The following TENT2 variants were observed in gnomAD, a reference collection of about 807,000 sequenced individuals.
TENT2 encodes the protein poly(A) RNA polymerase GLD2.
TENT2 carries 44 observed loss-of-function variants against 72.2 expected under a neutral mutation model. That is an observed-to-expected ratio of 0.61 (90% CI 0.48 to 0.78). TENT2 has a LOEUF of 0.78. TENT2 is among the 30% of genes least tolerant of loss of function. TENT2 has a pLI of 0.00. For synonymous variants in TENT2, 212 were observed against 192.5 expected (o/e 1.10, Z -0.84); for missense variants, 541 against 569.6 (o/e 0.95, Z 0.51).
At chr5:79,652,502 T>A (rs1794941488) in intron 10 of TENT2, among the ~76,000 whole-genome samples, 1 of 152,136 alleles carries the variant, frequency 6.6e-6, no homozygotes, top group Non-Finnish European at 1.5e-5. Context: ...GCAGATGTTT[T>A]ATAATATATG....
intron 12 of TENT2, among the ~76,000 whole-genome samples, chr5:79,672,141 A>T (rs748240473): frequency 1.2e-4 from 18 of 151,336 alleles, no homozygotes; most frequent in African/African-American, 4.1e-4. Context: ...TACCTACTTC[A>T]CTCACACCTT....
intron 11 of TENT2, among the ~76,000 whole-genome samples, chr5:79,668,045 T>C (rs1267947908): frequency 6.6e-6 from 1 of 152,038 alleles, no homozygotes; most frequent in Non-Finnish European, 1.5e-5. Context: ...TATTTTCTAA[T>C]TGATGTATAT....
intron 11 of TENT2, among the ~76,000 whole-genome samples, chr5:79,660,063 G>C (rs978043398): frequency 1.3e-5 from 2 of 151,960 alleles, no homozygotes; most frequent in Non-Finnish European, 1.5e-5. Context: ...AACAGTTTTG[G>C]AATGGAATAA....
intron 11 of TENT2, among the ~76,000 whole-genome samples, chr5:79,662,898 G>A (rs1330116612): frequency 3.9e-5 from 6 of 152,138 alleles, no homozygotes; most frequent in Non-Finnish European, 7.3e-5. Flanking sequence ...GTTCTAGATA[G>A]CATCTTCGAA....
intron 4 of TENT2, among the ~76,000 whole-genome samples, chr5:79,637,523 C>T (rs1781067130): frequency 6.6e-6 from 1 of 151,986 alleles, no homozygotes; most frequent in Admixed American, 6.6e-5. Flanking sequence ...ACCTCCCAGG[C>T]TCAAGCGATC....
chr5:79,615,771 A>G (rs1759285634), intron 1 of TENT2, among the ~76,000 whole-genome samples: 1 of 149,362 alleles, frequency 6.7e-6, no homozygotes, highest in Non-Finnish European at 1.5e-5. Context: ...GTGCAGTGGC[A>G]CAGTCTCCTC....
rs372101489 is a variant in TENT2, at chr5:79,649,386, G to GTTT, written c.1027+205_1027+207dup. 2.9e-4 allele frequency among the ~76,000 whole-genome samples: 41 copies of GTTT among 140,080 alleles called. 1 individual carries two copies. The highest frequency in any genetic ancestry group is 3.7e-3 in the Middle Eastern group (1 of 272). 91.9% of individuals were successfully genotyped at this position (140,080 alleles called of 152,430 possible). On this transcript the variant is annotated intron_variant, in intron 10 of 14. Transcript: ENST00000453514. ...CCTTGGAAAATATAGAAGTTTCACT[G>GTTT]TTTTTTTTTTTATTTTTTGGAAGTT...
At chr5:79,675,691 G>C (rs1816726011) in intron 12 of TENT2, among the ~76,000 whole-genome samples, 1 of 152,180 alleles carries the variant, frequency 6.6e-6, no homozygotes, top group Non-Finnish European at 1.5e-5. Flanking sequence ...GGTAAGAGTT[G>C]AGAGTATGTG....
chr5:79,661,431 A>G (rs1802791490), intron 11 of TENT2, among the ~76,000 whole-genome samples: 1 of 152,204 alleles, frequency 6.6e-6, no homozygotes, highest in Non-Finnish European at 1.5e-5. Context: ...TGCCTACAGT[A>G]TTCAGTATAA....
chr5:79,639,477 G>GT (rs368927693), intron 4 of TENT2, among the ~76,000 whole-genome samples: 5,945 of 145,018 alleles, frequency 0.041, 366 homozygotes, highest in African/African-American at 0.13. Context: ...AGTGAAGGTG[G>GT]TTTTTTTTTT....
intron 10 of TENT2, among the ~76,000 whole-genome samples, chr5:79,655,701 A>G (rs1309312006): frequency 1.3e-5 from 2 of 151,378 alleles, no homozygotes; most frequent in African/African-American, 2.4e-5. Flanking sequence ...AAAGGAATAT[A>G]TATATCCTTA....
Position 79,648,667 on chromosome 5 carries a change from C to A in TENT2, c.872C>A (p.Thr291Lys), listed in dbSNP as rs1395664402. ...AACAATATTGTTGGAATAAGAAACA[C>A]ATTCCTTCTCAGAACTTATGCATAC... ...NVNNIVGIRN[T>K]FLLRTYAYLE... Residue 291 changes from threonine to lysine, a missense_variant, in exon 9 of 15, where the codon ACA (threonine) becomes AAA (lysine). By Grantham distance (78) the Thr-to-Lys change is moderately conservative. Coordinates refer to ENST00000453514, the MANE Select transcript of TENT2 (RefSeq NM_001114394.3). 5.0e-6 allele frequency: 8 copies of A among 1,597,434 alleles called. No individual in the cohort carries two copies. The highest frequency in any genetic ancestry group is 6.8e-6 in the Non-Finnish European group (8 of 1,171,724).
chr5:79,621,348 G>C (rs1764651204), intron 3 of TENT2, among the ~76,000 whole-genome samples: 1 of 152,150 alleles, frequency 6.6e-6, no homozygotes, highest in South Asian at 2.1e-4. Flanking sequence ...ACTACAGGTT[G>C]TTCTTCAAAA....
intron 4 of TENT2, among the ~76,000 whole-genome samples, chr5:79,635,933 A>T (rs1470431160): frequency 6.6e-6 from 1 of 152,200 alleles, no homozygotes; most frequent in Non-Finnish European, 1.5e-5. Flanking sequence ...GATCTGCCTG[A>T]TTCTCTACAT....
At chr5:79,673,288 T>G (rs1483931342) in intron 12 of TENT2, among the ~76,000 whole-genome samples, 1 of 152,214 alleles carries the variant, frequency 6.6e-6, no homozygotes, top group East Asian at 1.9e-4. Flanking sequence ...ATGCAGAAGC[T>G]TTTTAACTTG....
chr5:79,643,570 A>G (rs1427772757), intron 7 of TENT2, among the ~76,000 whole-genome samples: 1 of 152,202 alleles, frequency 6.6e-6, no homozygotes, highest in Non-Finnish European at 1.5e-5. Context: ...GACATTCATT[A>G]TGTGCCAGGC....
intron 11 of TENT2, chr5:79,668,650 G>A (rs1312583340): frequency 2.5e-6 from 1 of 397,636 alleles, no homozygotes; most frequent in African/African-American, 2.0e-5. Context: ...ATAGCGATCT[G>A]TTTGGTTAAC....
intron 11 of TENT2, among the ~76,000 whole-genome samples, chr5:79,664,465 C>T (rs894040204): frequency 8.6e-5 from 13 of 151,994 alleles, no homozygotes; most frequent in South Asian, 2.1e-4. Flanking sequence ...TGTGGAGGCA[C>T]GCGCCTGTAG....
rs563064851 is a variant in TENT2, at chr5:79,672,638, C to G, written c.1208+3610C>G. Among the ~76,000 whole-genome samples, 4 of 152,320 alleles carry G rather than the reference C, an allele frequency of 2.6e-5. No individual in the cohort carries two copies. The South Asian group carries it at 6.2e-4, about 24-fold the overall frequency. ...TCCATGATGTTGCAAATGAGAGGATCTCATTCTTTTGTATGGCTCAATAGT... is the reference window on the plus strand; with the variant it reads ...TCCATGATGTTGCAAATGAGAGGATGTCATTCTTTTGTATGGCTCAATAGT... On this transcript the variant is annotated intron_variant, in intron 12 of 14. Coordinates refer to ENST00000453514, the MANE Select transcript of TENT2 (RefSeq NM_001114394.3).
Sources: gnomAD v4.1 joint callset for allele counts (sites outside exome capture counted in the v4.1 genomes callset) on GRCh38, gnomAD v4.1.1 for gene constraint, MANE v1.5 for transcripts, NCBI Gene and HGNC (gene_info 2026-07-23, HGNC 2026-07-21) for gene names.